The following RASA1 variants were observed in gnomAD, a reference collection of about 807,000 sequenced individuals.
RASA1 encodes the protein RAS p21 protein activator 1.
RASA1 carries 25 observed loss-of-function variants against 132.2 expected under a neutral mutation model. That is an observed-to-expected ratio of 0.19 (90% CI 0.14 to 0.26). The LOEUF is 0.26. Ranked by LOEUF, RASA1 falls within the 10% of genes least tolerant of loss-of-function variation. The pLI, the probability that RASA1 is intolerant of heterozygous loss-of-function variation, is 1.00. For missense variants in RASA1, 964 were observed against 1,299.2 expected (o/e 0.74, Z 3.97); for synonymous variants, 477 against 449.9 (o/e 1.06, Z -0.76).
chr5:87,362,378 T>C (rs1760171961), intron 9 of RASA1, among the ~76,000 whole-genome samples, 173 bp from the exon 10 acceptor site: 1 of 152,186 alleles, frequency 6.6e-6, no homozygotes, highest in Non-Finnish European at 1.5e-5. Flanking sequence ...TCTTCGAAAT[T>C]ATAAGGAAGC....
At chr5:87,357,450 C>G (rs571303199) in intron 9 of RASA1, among the ~76,000 whole-genome samples, 1 of 152,188 alleles carries the variant, frequency 6.6e-6, no homozygotes, top group South Asian at 2.1e-4. Context: ...TTAAATCATA[C>G]ATTTCCCCAT....
At chr5:87,292,726 G>A (rs987101144) in intron 1 of RASA1, among the ~76,000 whole-genome samples, 1 of 152,132 alleles carries the variant, frequency 6.6e-6, no homozygotes, top group African/African-American at 2.4e-5. Context: ...TGCCAAATCT[G>A]TACGTCAAGT....
intron 15 of RASA1, among the ~76,000 whole-genome samples, chr5:87,375,449 C>T (rs547146838): frequency 3.3e-5 from 5 of 152,092 alleles, no homozygotes; most frequent in East Asian, 3.9e-4. Flanking sequence ...TTAGTAGAGA[C>T]GGGGTTTCAG....
intron 1 of RASA1, among the ~76,000 whole-genome samples, chr5:87,277,089 A>G (rs760140594): frequency 3.3e-5 from 5 of 152,110 alleles, no homozygotes; most frequent in Non-Finnish European, 5.9e-5. Context: ...CTTTATATAG[A>G]TTATCTTATT....
chr5:87,367,290 G>A (rs1006783724), intron 11 of RASA1, among the ~76,000 whole-genome samples: 2 of 151,934 alleles, frequency 1.3e-5, no homozygotes, highest in Non-Finnish European at 2.9e-5. Flanking sequence ...GGACAAAAGG[G>A]GAAATTATAA....
At chr5:87,271,449 C>CTT (rs1274619047) in intron 1 of RASA1, among the ~76,000 whole-genome samples, 10 of 67,480 alleles carry the variant, frequency 1.5e-4, no homozygotes, top group African/African-American at 4.6e-4. Flanking sequence ...TTTTAGTAGA[C>CTT]TTCTTTTTTT....
intron 17 of RASA1, among the ~76,000 whole-genome samples, chr5:87,377,635 T>G (rs1388708010): frequency 6.6e-6 from 1 of 152,216 alleles, no homozygotes; most frequent in Admixed American, 6.5e-5. Context: ...AATTTTTACT[T>G]CTTCATTACA....
chr5:87,301,385 T>C (rs1755354670), intron 1 of RASA1, among the ~76,000 whole-genome samples: 1 of 152,154 alleles, frequency 6.6e-6, no homozygotes, highest in Admixed American at 6.6e-5. Context: ...GTATCTTCAG[T>C]GTTCAGCACA....
intron 1 of RASA1, among the ~76,000 whole-genome samples, chr5:87,282,154 A>G (rs1402375001): frequency 6.6e-6 from 1 of 151,718 alleles, no homozygotes; most frequent in African/African-American, 2.4e-5. Flanking sequence ...TGTTGTTTTT[A>G]TCTACATTTC....
intron 8 of RASA1, among the ~76,000 whole-genome samples, chr5:87,351,594 G>C (rs1447697402): frequency 2.6e-5 from 4 of 151,740 alleles, no homozygotes; most frequent in Non-Finnish European, 3.0e-5. Context: ...AGTTTACATT[G>C]AATATGCTTT....
At chr5:87,363,751 A>G (rs1760292954) in intron 11 of RASA1, among the ~76,000 whole-genome samples, 2 of 152,042 alleles carry the variant, frequency 1.3e-5, no homozygotes, top group Non-Finnish European at 2.9e-5. Flanking sequence ...CTGCCCCAAC[A>G]AGCAATCTTT....
chr5:87,381,018 C>G (rs971020400), intron 20 of RASA1, among the ~76,000 whole-genome samples: 2 of 152,152 alleles, frequency 1.3e-5, no homozygotes, highest in African/African-American at 4.8e-5. Context: ...ACATGTAGTT[C>G]TGAAGCTGTG....
intron 1 of RASA1, among the ~76,000 whole-genome samples, chr5:87,284,350 A>G (rs1027071277): frequency 1.5e-4 from 23 of 152,210 alleles, no homozygotes; most frequent in African/African-American, 5.5e-4. Flanking sequence ...ATATAGACAG[A>G]CAGGTAGGTA....
At chr5:87,288,251 C>T (rs999136083) in intron 1 of RASA1, among the ~76,000 whole-genome samples, 8 of 151,160 alleles carry the variant, frequency 5.3e-5, no homozygotes, top group Non-Finnish European at 1.0e-4. Flanking sequence ...TGTTGGGACA[C>T]GTTTCTCCCT....
At chr5:87,270,382 T>G (rs1367202017) in intron 1 of RASA1, among the ~76,000 whole-genome samples, 3 of 149,584 alleles carry the variant, frequency 2.0e-5, no homozygotes, top group Non-Finnish European at 3.0e-5. Flanking sequence ...GAGTCTCGCC[T>G]TGTTGCCCAG....
intron 1 of RASA1, among the ~76,000 whole-genome samples, chr5:87,287,354 T>TAC (rs1447921788): frequency 6.9e-6 from 1 of 144,962 alleles, no homozygotes; most frequent in Non-Finnish European, 1.5e-5. Context: ...ATACCATATA[T>TAC]ACACCATATA....
intron 9 of RASA1, among the ~76,000 whole-genome samples, chr5:87,354,922 A>G (rs1185541383): frequency 1.3e-5 from 2 of 152,214 alleles, no homozygotes; most frequent in Non-Finnish European, 2.9e-5. Context: ...CCCTTAAGCC[A>G]AAGCCTATCC....
intron 1 of RASA1, among the ~76,000 whole-genome samples, chr5:87,307,023 C>T (rs757284764): frequency 2.1e-4 from 32 of 152,090 alleles, no homozygotes; most frequent in Non-Finnish European, 3.5e-4. Flanking sequence ...CTGTGTGCAG[C>T]GTATTTGTTT....
chr5:87,363,319 A>G (rs763661494), intron 10 of RASA1, 29 bp from the exon 11 acceptor site: 1 of 1,554,568 alleles, frequency 6.4e-7, no homozygotes, highest in Non-Finnish European at 8.9e-7. Flanking sequence ...TTGTTTGGCT[A>G]AGAGAAAACA....
Sources: gnomAD v4.1 joint callset for allele counts (sites outside exome capture counted in the v4.1 genomes callset) on GRCh38, gnomAD v4.1.1 for gene constraint, MANE v1.5 for transcripts, NCBI Gene and HGNC (gene_info 2026-07-23, HGNC 2026-07-21) for gene names.